The following AFG2A variants were observed in gnomAD, a reference collection of about 807,000 sequenced individuals.
AFG2A encodes the protein ATPase family gene 2 protein homolog A.
the AFG2A span, among the ~76,000 whole-genome samples, chr4:123,026,712 T>A: frequency 1.3e-5 from 2 of 152,222 alleles, no homozygotes; most frequent in Admixed American, 6.5e-5. Flanking sequence ...TTTATATTTA[T>A]GGTGGAGTAT....
At chr4:123,031,343 G>A in the AFG2A span, among the ~76,000 whole-genome samples, 1,920 of 152,238 alleles carry the variant, frequency 0.013, 49 homozygotes, top group African/African-American at 0.044. Flanking sequence ...AGTAGAGACA[G>A]GGTTTCACCA....
the AFG2A span, among the ~76,000 whole-genome samples, chr4:122,947,696 A>G: frequency 1.3e-5 from 2 of 152,158 alleles, no homozygotes; most frequent in Non-Finnish European, 2.9e-5. Context: ...ACTCAATCCT[A>G]CCTCTAAAGG....
the AFG2A span, among the ~76,000 whole-genome samples, chr4:122,993,897 A>G: frequency 6.6e-6 from 1 of 152,002 alleles, no homozygotes; most frequent in Non-Finnish European, 1.5e-5. Context: ...TAGCTGGGCC[A>G]TTACTTTTAA....
chr4:123,094,837 C>T, the AFG2A span, among the ~76,000 whole-genome samples: 1 of 151,612 alleles, frequency 6.6e-6, no homozygotes. Context: ...AGCTTAATCA[C>T]ACACAAAACT....
chr4:122,992,899 CA>C, the AFG2A span, among the ~76,000 whole-genome samples: 1 of 151,346 alleles, frequency 6.6e-6, no homozygotes, highest in East Asian at 1.9e-4. Context: ...TGTGAAATTC[CA>C]ATTTTCTTAT....
chr4:123,007,550 A>ATG, the AFG2A span, among the ~76,000 whole-genome samples: 19 of 89,690 alleles, frequency 2.1e-4, no homozygotes, highest in East Asian at 1.8e-3. Context: ...ATGTGTATGT[A>ATG]TGTGTGTGTG....
At chr4:123,020,535 A>G in the AFG2A span, among the ~76,000 whole-genome samples, 1 of 151,964 alleles carries the variant, frequency 6.6e-6, no homozygotes, top group African/African-American at 2.4e-5. Context: ...TGCCTGGCTA[A>G]TTTTTGTATT....
the AFG2A span, among the ~76,000 whole-genome samples, chr4:123,294,750 A>T: frequency 6.6e-6 from 1 of 152,310 alleles, no homozygotes; most frequent in East Asian, 1.9e-4. Context: ...TTTCACAGTT[A>T]TTTGCATAGG....
At chr4:122,947,206 A>T in the AFG2A span, 1 of 1,498,492 alleles carries the variant, frequency 6.7e-7, no homozygotes, top group Non-Finnish European at 8.9e-7. Context: ...TCAGAAAAAT[A>T]AATTTATTTT....
chr4:123,202,406 A>G, the AFG2A span, among the ~76,000 whole-genome samples: 1 of 152,196 alleles, frequency 6.6e-6, no homozygotes, highest in African/African-American at 2.4e-5. Flanking sequence ...TTAAAAATCT[A>G]TTCTAATAAT....
the AFG2A span, among the ~76,000 whole-genome samples, chr4:123,269,477 G>A: frequency 6.6e-6 from 1 of 152,198 alleles, no homozygotes; most frequent in Non-Finnish European, 1.5e-5. Flanking sequence ...GTATACCTGT[G>A]TATCTGTGAA....
the AFG2A span, among the ~76,000 whole-genome samples, chr4:123,161,788 G>T: frequency 6.6e-6 from 1 of 152,118 alleles, no homozygotes; most frequent in Non-Finnish European, 1.5e-5. Context: ...CTTCAGGAAA[G>T]AAATATAAGA....
chr4:123,075,988 C>G, the AFG2A span, among the ~76,000 whole-genome samples: 5 of 134,148 alleles, frequency 3.7e-5, no homozygotes, highest in East Asian at 1.1e-3. Context: ...AAAAAAAAAA[C>G]AAAAAAAAAA....
the AFG2A span, among the ~76,000 whole-genome samples, chr4:123,114,971 G>A: frequency 2.0e-5 from 3 of 152,176 alleles, no homozygotes; most frequent in African/African-American, 4.8e-5. Flanking sequence ...TGGCGGCTCC[G>A]AACTTAGTAG....
At chr4:122,984,943 T>TATCA in the AFG2A span, among the ~76,000 whole-genome samples, 40 of 152,144 alleles carry the variant, frequency 2.6e-4, no homozygotes, top group East Asian at 2.9e-3. Flanking sequence ...TTTTCTGGTT[T>TATCA]TGGTAGTAGG....
At chr4:122,981,835 CTT>C in the AFG2A span, among the ~76,000 whole-genome samples, 1 of 149,884 alleles carries the variant, frequency 6.7e-6, no homozygotes, top group Non-Finnish European at 1.5e-5. Context: ...ATGCTACTGA[CTT>C]TTGTTGTCGA....
the AFG2A span, among the ~76,000 whole-genome samples, chr4:123,023,705 C>G: frequency 6.6e-6 from 1 of 152,076 alleles, no homozygotes; most frequent in African/African-American, 2.4e-5. Flanking sequence ...ATTATCGTCT[C>G]GGGCCACACA....
At chr4:123,061,248 T>G in the AFG2A span, among the ~76,000 whole-genome samples, 1 of 152,194 alleles carries the variant, frequency 6.6e-6, no homozygotes, top group East Asian at 1.9e-4. Flanking sequence ...CACCTGTTAC[T>G]CAGTTCTAAA....
At chr4:123,026,101 GTGTA>G in the AFG2A span, among the ~76,000 whole-genome samples, 4 of 34,106 alleles carry the variant, frequency 1.2e-4, no homozygotes, top group African/African-American at 3.6e-4. Context: ...CCTCGTGTAT[GTGTA>G]TGTGTGTGTG....
Sources: allele counts gnomAD v4.1 joint callset (sites outside exome capture counted in the v4.1 genomes callset), GRCh38; gene constraint gnomAD v4.1.1; transcripts MANE v1.5; gene names NCBI Gene and HGNC (gene_info 2026-07-23, HGNC 2026-07-21).